PTBP3: variants seen among roughly 807,000 people sequenced by gnomAD.
PTBP3 encodes polypyrimidine tract-binding protein 3.
Under a neutral mutation model 58.7 loss-of-function variants are expected in PTBP3, and 20 were observed. The observed-to-expected ratio is 0.34, with a 90% CI of 0.24 to 0.50. The LOEUF (loss-of-function observed/expected upper bound fraction) is 0.50, where lower values mean the gene tolerates loss of function less well. Ranked by LOEUF, PTBP3 falls within the 20% of genes least tolerant of loss-of-function variation. The pLI is 0.98. For missense variants in PTBP3, 509 were observed against 637.2 expected, an observed-to-expected ratio of 0.80 and a Z score of 2.17; for synonymous variants, 185 against 219.8, an observed-to-expected ratio of 0.84 and a Z score of 1.40.
At chr9:112,292,450 G>T (rs1272213494) in intron 2 of PTBP3, among the ~76,000 whole-genome samples, 1 of 152,090 alleles carries the variant, frequency 6.6e-6, no homozygotes, top group East Asian at 1.9e-4. Context: ...ATTAAAAACA[G>T]GATCTCAAAG....
At chr9:112,284,454 G>C (rs986275060) in intron 2 of PTBP3, among the ~76,000 whole-genome samples, 3 of 152,156 alleles carry the variant, frequency 2.0e-5, no homozygotes, top group Admixed American at 6.5e-5. Flanking sequence ...TCAGCACTTG[G>C]GGAAGCCGAG....
intron 2 of PTBP3, among the ~76,000 whole-genome samples, chr9:112,296,811 T>A (rs747111761): frequency 5.3e-5 from 8 of 152,198 alleles, no homozygotes; most frequent in Non-Finnish European, 1.0e-4. Context: ...TTACCATTCA[T>A]CTACCCAATT....
At chr9:112,318,284 C>G (rs1829786744) in intron 1 of PTBP3, among the ~76,000 whole-genome samples, 1 of 151,722 alleles carries the variant, frequency 6.6e-6, no homozygotes, top group Non-Finnish European at 1.5e-5. Context: ...AGAAATTTAC[C>G]CAAAAAAAGG....
chr9:112,262,692 T>C lies in PTBP3; in HGVS notation c.352-93A>G, dbSNP rs1183723042. 8.7e-6 allele frequency: 10 copies of C among 1,147,142 alleles called. No homozygotes were observed. In the African/African-American group the frequency reaches 1.5e-4, roughly 17 times the overall value. The allele number at this position is 1,147,142 out of a possible 1,614,324, so 71.1% of individuals were successfully genotyped here. A position where few individuals can be genotyped will look rare whatever the true frequency, so the allele number is the denominator to read the frequency against. The stretch of plus-strand genomic sequence containing the variant: ...TGACATAAAACAGTATGAAGCAATG[T>C]AGTTAAGTAAAACAAGATTTATCTA... On this transcript the variant is annotated intron_variant, in intron 4 of 13. Coordinates refer to ENST00000374257, the MANE Select transcript of PTBP3 (RefSeq NM_001163788.4).
the PTBP3 span, among the ~76,000 whole-genome samples, chr9:112,375,081 C>G: frequency 6.6e-6 from 1 of 152,160 alleles, no homozygotes; most frequent in Admixed American, 6.5e-5. Context: ...TGGATGATGA[C>G]AGGGGTGGTT....
chr9:112,222,574 T>C lies in PTBP3; in HGVS notation c.*1277A>G. On this transcript the variant is annotated 3_prime_UTR_variant, in exon 14 of 14. Transcript: ENST00000374257. ...AGGCCTACAGGTGTGCACTGAATTATTCCCAAAACCATTCACCCTTCCCCA... is the reference window on the plus strand; with the variant it reads ...AGGCCTACAGGTGTGCACTGAATTACTCCCAAAACCATTCACCCTTCCCCA... 1 of 985,714 alleles carries C rather than the reference T, an allele frequency of 1.0e-6. No individual in the cohort carries two copies. The highest frequency in any genetic ancestry group is 1.2e-6 in the Non-Finnish European group (1 of 829,850). The allele number at this position is 985,714 out of a possible 1,614,324, so 61.1% of individuals were successfully genotyped here.
chr9:112,223,259 T>A lies in PTBP3; in HGVS notation c.*592A>T, dbSNP rs1237311152. The A allele has an allele frequency of 5.3e-6, 5 of 942,058 alleles. No individual in the cohort carries two copies. The highest frequency in any genetic ancestry group is 1.2e-4 in the East Asian group (1 of 8,610). The allele number at this position is 942,058 out of a possible 1,614,324, so 58.4% of individuals were successfully genotyped here. ...AGTGTCTTACAGTGAAAAAAAGAAATCATTCAAAGAAAACATGCAGGTTTA... is the reference window on the plus strand; with the variant it reads ...AGTGTCTTACAGTGAAAAAAAGAAAACATTCAAAGAAAACATGCAGGTTTA... On this transcript the variant is annotated 3_prime_UTR_variant, in exon 14 of 14. Coordinates refer to ENST00000374257, the MANE Select transcript of PTBP3 (RefSeq NM_001163788.4).
intron 1 of PTBP3, among the ~76,000 whole-genome samples, chr9:112,300,816 C>T (rs1412350467): frequency 2.0e-5 from 3 of 151,066 alleles, no homozygotes; most frequent in African/African-American, 7.3e-5. Context: ...GGTACAAAAA[C>T]CCGGGCACAG....
chr9:112,349,854 ACT>A, the PTBP3 span, among the ~76,000 whole-genome samples: 11 of 91,524 alleles, frequency 1.2e-4, no homozygotes, highest in African/African-American at 5.1e-4. Flanking sequence ...ACAGAGTGAG[ACT>A]CTGTCTCAAA....
At chr9:112,262,087 T>C (rs935361470) in intron 5 of PTBP3, among the ~76,000 whole-genome samples, 2 of 152,128 alleles carry the variant, frequency 1.3e-5, no homozygotes, top group Non-Finnish European at 2.9e-5. Flanking sequence ...TACTCAAAGG[T>C]AAGAAGCTGT....
intron 7 of PTBP3, among the ~76,000 whole-genome samples, chr9:112,238,753 G>C (rs1835530584): frequency 1.3e-5 from 2 of 151,946 alleles, no homozygotes; most frequent in South Asian, 4.2e-4. Context: ...CCACAGAATG[G>C]TATCTTTAAT....
chr9:112,295,259 A>T (rs1828626605), intron 2 of PTBP3, among the ~76,000 whole-genome samples: 1 of 151,750 alleles, frequency 6.6e-6, no homozygotes, highest in Non-Finnish European at 1.5e-5. Flanking sequence ...AAAAAAAAAA[A>T]AAGAAGTTAA....
At chr9:112,258,603 T>C (rs1008169304) in intron 5 of PTBP3, among the ~76,000 whole-genome samples, 1 of 152,222 alleles carries the variant, frequency 6.6e-6, no homozygotes, top group African/African-American at 2.4e-5. Flanking sequence ...AGTCTTTACA[T>C]CTTAGCTCCA....
chr9:112,286,331 T>C (rs1413604386), intron 2 of PTBP3, among the ~76,000 whole-genome samples: 1 of 152,212 alleles, frequency 6.6e-6, no homozygotes, highest in Non-Finnish European at 1.5e-5. Flanking sequence ...AAGCCCACCA[T>C]CTTGTCATTT....
intron 1 of PTBP3, among the ~76,000 whole-genome samples, chr9:112,321,165 G>C (rs1829931514): frequency 6.6e-6 from 1 of 152,028 alleles, no homozygotes; most frequent in Admixed American, 6.6e-5. Context: ...CTCAATAATA[G>C]AAATATAAAC....
At chr9:112,321,987 T>C (rs1344232478) in intron 1 of PTBP3, among the ~76,000 whole-genome samples, 1 of 151,816 alleles carries the variant, frequency 6.6e-6, no homozygotes, top group Non-Finnish European at 1.5e-5. Flanking sequence ...ATACAAAAAT[T>C]AGCCAGGCAT....
chr9:112,251,283 A>G (rs2132075921), intron 6 of PTBP3, among the ~76,000 whole-genome samples, 180 bp from the exon 7 acceptor site: 1 of 152,344 alleles, frequency 6.6e-6, no homozygotes, highest in East Asian at 1.9e-4. Context: ...GAGAAAAAGA[A>G]AATCTCTAAG....
intron 7 of PTBP3, among the ~76,000 whole-genome samples, chr9:112,247,966 T>G (rs1466794337): frequency 6.6e-6 from 1 of 152,096 alleles, no homozygotes; most frequent in Non-Finnish European, 1.5e-5. Context: ...ACATAAATAC[T>G]CAGATGATCT....
At chr9:112,235,003 T>C in intron 7 of PTBP3, 106 bp from the exon 8 acceptor site, 20 of 921,962 alleles carry the variant, frequency 2.2e-5, no homozygotes, top group Non-Finnish European at 3.0e-5. Context: ...AAAGAGATTC[T>C]GTTACGGAGT....
Sources: gnomAD v4.1 joint callset for allele counts (sites outside exome capture counted in the v4.1 genomes callset) on GRCh38, gnomAD v4.1.1 for gene constraint, MANE v1.5 for transcripts, NCBI Gene and HGNC (gene_info 2026-07-23, HGNC 2026-07-21) for gene names.